RAD51B: variants seen among roughly 807,000 people sequenced by gnomAD.
The protein encoded by RAD51B is RAD51 paralog B.
In RAD51B, 38 loss-of-function variants were observed where a neutral mutation model predicts 42.2. The observed-to-expected ratio is 0.90, with a 90% CI of 0.70 to 1.18. The LOEUF (loss-of-function observed/expected upper bound fraction) is 1.18. Ranked by LOEUF, RAD51B falls within the 50% of genes most tolerant of loss-of-function variation. The pLI is 0.00. For missense variants in RAD51B, 373 were observed against 400.7 expected, an observed-to-expected ratio of 0.93 and a Z score of 0.59; for synonymous variants, 154 against 145.2, an observed-to-expected ratio of 1.06 and a Z score of -0.43.
At chr14:68,069,244 G>C (rs1215205494) in intron 7 of RAD51B, among the ~76,000 whole-genome samples, 1 of 152,100 alleles carries the variant, frequency 6.6e-6, no homozygotes, top group Non-Finnish European at 1.5e-5. Flanking sequence ...TGTATATTTA[G>C]AGGTGCTTTG....
intron 8 of RAD51B, among the ~76,000 whole-genome samples, chr14:68,309,146 C>T (rs1165413782): frequency 1.3e-5 from 2 of 152,088 alleles, no homozygotes; most frequent in Non-Finnish European, 2.9e-5. Context: ...AGTTATCTTG[C>T]TTATGGACTG....
intron 7 of RAD51B, among the ~76,000 whole-genome samples, chr14:68,162,217 C>T (rs1343879922): frequency 6.6e-6 from 1 of 152,078 alleles, no homozygotes; most frequent in Non-Finnish European, 1.5e-5. Flanking sequence ...TCCATAGAAG[C>T]TAACTTTAGA....
chr14:68,609,103 T>A (rs1298358582), intron 10 of RAD51B, among the ~76,000 whole-genome samples: 1 of 152,050 alleles, frequency 6.6e-6, no homozygotes, highest in Admixed American at 6.5e-5. Context: ...TGCCCCCGCC[T>A]CTCCCTCTAG....
rs760856274 is a variant in RAD51B at position 68,468,158 on chromosome 14, T to C, written c.958-14T>C. 4 of 1,611,118 alleles carry C rather than the reference T, an allele frequency of 2.5e-6. No homozygotes were observed. The highest frequency in any genetic ancestry group is 3.4e-6 in the Non-Finnish European group (4 of 1,177,412). ...TCCTTTGACTAACCCTAGAAAAATG[T>C]GCTTTATGTGCAGATTCTTATTGCC... On this transcript the variant is annotated splice_polypyrimidine_tract_variant and intron_variant, in intron 9 of 10. Coordinates refer to ENST00000471583, the MANE Select transcript of RAD51B (RefSeq NM_133510.4).
At chr14:68,166,434 C>T (rs1293460958) in intron 7 of RAD51B, among the ~76,000 whole-genome samples, 1 of 151,866 alleles carries the variant, frequency 6.6e-6, no homozygotes, top group African/African-American at 2.4e-5. Context: ...CTCTTTTTCT[C>T]TTTTAATTAG....
chr14:67,887,214 TC>T lies in RAD51B; in HGVS notation c.756+11del. 1 of 1,571,156 alleles carries T rather than the reference TC, an allele frequency of 6.4e-7. No homozygotes were observed. The highest frequency in any genetic ancestry group is 1.2e-5 in the South Asian group (1 of 86,842). On this transcript the variant is annotated intron_variant, in intron 7 of 10. Coordinates refer to ENST00000471583, the MANE Select transcript of RAD51B (RefSeq NM_133510.4). Reference sequence around the variant, plus strand: ...GGAGTTTTCAATCCCAGTAAGTTTTTCTTTTTTTCTCTTTTTTCTTTTCCTT... The same window carrying T: ...GGAGTTTTCAATCCCAGTAAGTTTTTTTTTTTTCTCTTTTTTCTTTTCCTT...
chr14:68,306,598 C>T (rs1430754323), intron 8 of RAD51B: 2 of 513,232 alleles, frequency 3.9e-6, no homozygotes, highest in Admixed American at 2.0e-5. Flanking sequence ...CATTGGAAAC[C>T]ACAGTGAGCA....
At chr14:68,607,374 TG>T (rs1891489481) in intron 10 of RAD51B, among the ~76,000 whole-genome samples, 1 of 152,164 alleles carries the variant, frequency 6.6e-6, no homozygotes, top group East Asian at 1.9e-4. Context: ...GAAAAATGCG[TG>T]GCAAACAACA....
intron 10 of RAD51B, among the ~76,000 whole-genome samples, chr14:68,605,860 G>A (rs1363091400): frequency 3.3e-5 from 5 of 152,146 alleles, no homozygotes; most frequent in Admixed American, 6.5e-5. Context: ...TTAGCTGGGG[G>A]TGGGCTTCTG....
chr14:67,852,254 G>A (rs1236076352), intron 4 of RAD51B, among the ~76,000 whole-genome samples: 2 of 152,214 alleles, frequency 1.3e-5, no homozygotes, highest in African/African-American at 4.8e-5. Context: ...CAGAGGCAGG[G>A]CCTGCAGTCT....
At chr14:68,200,053 T>G (rs1384108965) in intron 7 of RAD51B, among the ~76,000 whole-genome samples, 3 of 152,192 alleles carry the variant, frequency 2.0e-5, no homozygotes, top group Non-Finnish European at 4.4e-5. Context: ...CATTTAATAA[T>G]CAGGGTAGTA....
intron 7 of RAD51B, among the ~76,000 whole-genome samples, chr14:67,956,608 C>T (rs568781731): frequency 6.6e-6 from 1 of 152,270 alleles, no homozygotes; most frequent in East Asian, 1.9e-4. Context: ...AGAGACATTT[C>T]ACGTAGGAAA....
At chr14:68,557,879 C>G (rs1263630034) in intron 10 of RAD51B, among the ~76,000 whole-genome samples, 1 of 152,128 alleles carries the variant, frequency 6.6e-6, no homozygotes, top group Non-Finnish European at 1.5e-5. Context: ...CATTTCCTAG[C>G]CTCCCCTTCA....
At chr14:68,157,742 T>A (rs79244889) in intron 7 of RAD51B, among the ~76,000 whole-genome samples, 2 of 152,240 alleles carry the variant, frequency 1.3e-5, no homozygotes, top group East Asian at 3.8e-4. Context: ...ATTATTTTTT[T>A]AAGAAATATG....
rs2076691558 is a variant in RAD51B, at chr14:68,068,575, GATA to G, written c.756+181372_756+181374del. The stretch of plus-strand genomic sequence containing the variant: ...GGCTGTTATGAATAATGCTGCTCTG[GATA>G]TTTGTTTAAAAGTTTTATATGGACA... On this transcript the variant is annotated intron_variant, in intron 7 of 10. Transcript: ENST00000471583. 3.3e-5 allele frequency among the ~76,000 whole-genome samples: 5 copies of G among 152,256 alleles called. No individual in the cohort carries two copies. The South Asian group carries it at 1.0e-3, about 32-fold the overall frequency.
At chr14:68,051,017 A>G (rs1300462664) in intron 7 of RAD51B, among the ~76,000 whole-genome samples, 2 of 151,838 alleles carry the variant, frequency 1.3e-5, no homozygotes, top group African/African-American at 4.8e-5. Flanking sequence ...ATATATATCA[A>G]TAAGATTTTC....
intron 10 of RAD51B, among the ~76,000 whole-genome samples, chr14:68,572,720 C>CCTT (rs1482517997): frequency 6.6e-6 from 1 of 152,182 alleles, no homozygotes; most frequent in Non-Finnish European, 1.5e-5. Context: ...CTATCACTGA[C>CCTT]CTTCTAGGTG....
chr14:68,594,982 T>G (rs940595899), exon 11 of RAD51B: 1 of 1,076,932 alleles, frequency 9.3e-7, no homozygotes, highest in African/African-American at 1.6e-5. Context: ...TGTGGCAGCT[T>G]GAATTTCTTG....
chr14:67,959,997 A>G (rs1185788486), intron 7 of RAD51B, among the ~76,000 whole-genome samples: 1 of 151,940 alleles, frequency 6.6e-6, no homozygotes, highest in Non-Finnish European at 1.5e-5. Flanking sequence ...AGGCAGGAGA[A>G]TTGCTTGAAC....
Sources: allele counts gnomAD v4.1 joint callset (sites outside exome capture counted in the v4.1 genomes callset), GRCh38; gene constraint gnomAD v4.1.1; transcripts MANE v1.5; gene names NCBI Gene and HGNC (gene_info 2026-07-23, HGNC 2026-07-21).